ME3: variants seen among roughly 807,000 people sequenced by gnomAD.
ME3 encodes the protein NADP-dependent malic enzyme, mitochondrial.
A neutral mutation model predicts 68.9 loss-of-function variants in ME3; 48 were observed. That is an observed-to-expected ratio of 0.70 (90% CI 0.55 to 0.89). The LOEUF (loss-of-function observed/expected upper bound fraction) is 0.89, where lower values mean the gene tolerates loss of function less well. ME3 is among the 40% of genes least tolerant of loss of function. The pLI, the probability that ME3 is intolerant of heterozygous loss-of-function variation, is 0.00. For synonymous variants in ME3, 320 were observed against 318.8 expected (o/e 1.00, Z -0.04); for missense variants, 675 against 797.4 (o/e 0.85, Z 1.85).
At chr11:86,546,594 C>A (rs1000583508) in intron 4 of ME3, among the ~76,000 whole-genome samples, 1 of 151,958 alleles carries the variant, frequency 6.6e-6, no homozygotes, top group Non-Finnish European at 1.5e-5. Flanking sequence ...ATTAGAGAAA[C>A]GCAAATCAAA....
chr11:86,446,297 A>G lies in ME3; in HGVS notation c.1554+17T>C, dbSNP rs1470194978. ...AGACCCTACTGCAAGCATTTGAGGG[A>G]GCAAGGACAGTGATACCTCTGCTGT... On this transcript the variant is annotated intron_variant, in intron 13 of 14. Transcript: ENST00000543262. The G allele has an allele frequency of 6.2e-7, 1 of 1,613,070 alleles. No homozygotes were observed. The highest frequency in any genetic ancestry group is 1.3e-5 in the African/African-American group (1 of 74,908).
intron 2 of ME3, among the ~76,000 whole-genome samples, chr11:86,579,461 G>T (rs1422373654): frequency 6.6e-6 from 1 of 152,170 alleles, no homozygotes; most frequent in Admixed American, 6.6e-5. Context: ...AGTGTCCTCA[G>T]TGGGGGACTG....
At chr11:86,603,472 G>A (rs534242081) in intron 2 of ME3, among the ~76,000 whole-genome samples, 1 of 152,320 alleles carries the variant, frequency 6.6e-6, no homozygotes, top group South Asian at 2.1e-4. Flanking sequence ...AGGATGTGGA[G>A]AAATAGGAAC....
chr11:86,650,106 A>G (rs1433768340), intron 2 of ME3, among the ~76,000 whole-genome samples: 1 of 152,232 alleles, frequency 6.6e-6, no homozygotes, highest in Non-Finnish European at 1.5e-5. Flanking sequence ...GTACCAAAAC[A>G]GATATATAGA....
At chr11:86,498,226 C>G (rs1952491837) in intron 5 of ME3, 102 bp from the exon 6 acceptor site, 1 of 1,372,438 alleles carries the variant, frequency 7.3e-7, no homozygotes, top group African/African-American at 1.5e-5. Flanking sequence ...TGGATGCCCA[C>G]TGACTTTGCC....
At chr11:86,530,996 A>G (rs528576603) in intron 4 of ME3, among the ~76,000 whole-genome samples, 1,969 of 152,252 alleles carry the variant, frequency 0.013, 39 homozygotes, top group African/African-American at 0.044. Flanking sequence ...AAATTGACAA[A>G]TGGGATCTAA....
At chr11:86,539,554 C>G (rs1405625574) in intron 4 of ME3, among the ~76,000 whole-genome samples, 2 of 152,056 alleles carry the variant, frequency 1.3e-5, no homozygotes, top group African/African-American at 2.4e-5. Flanking sequence ...GGTGCTTAAC[C>G]AATGCTTGTT....
At position 86,442,850 on chromosome 11, in the gene ME3, G is replaced by A. The variant is rs202241791; in HGVS notation, c.1624C>T (p.Arg542Ter). ...ATGGCAATTCTCAAAGACACGTCTC[G>A]GATGGTGCTGAGTGGTGGGTAGAGT... Residue 542 changes from arginine to a stop codon, truncating the protein, a stop_gained, in exon 14 of 15, where the codon CGA becomes TGA. Coordinates refer to ENST00000543262, the Ensembl canonical transcript of ME3. LOFTEE classifies it high-confidence loss of function. The A allele has an allele frequency of 5.0e-6, 8 of 1,613,248 alleles. No homozygotes were observed. Among genetic ancestry groups the A allele is most frequent in the South Asian group, 1.1e-5 (1 of 90,994 alleles).
chr11:86,641,933 T>G (rs755527256), intron 2 of ME3, among the ~76,000 whole-genome samples: 1 of 152,090 alleles, frequency 6.6e-6, no homozygotes, highest in Non-Finnish European at 1.5e-5. Context: ...TGATAGTGAG[T>G]CAAACTAGCC....
At chr11:86,537,032 A>C (rs945233368) in intron 4 of ME3, among the ~76,000 whole-genome samples, 3 of 151,164 alleles carry the variant, frequency 2.0e-5, no homozygotes, top group African/African-American at 4.9e-5. Flanking sequence ...AAACTATCGG[A>C]AGAACAAAAA....
intron 2 of ME3, among the ~76,000 whole-genome samples, chr11:86,601,571 G>C (rs1319574048): frequency 6.6e-6 from 1 of 152,036 alleles, no homozygotes; most frequent in South Asian, 2.1e-4. Flanking sequence ...CCAATCAATA[G>C]AAAAAGAGAG....
chr11:86,597,669 AG>A (rs763960869), intron 2 of ME3, among the ~76,000 whole-genome samples: 78 of 152,292 alleles, frequency 5.1e-4, no homozygotes, highest in Middle Eastern at 3.4e-3. Flanking sequence ...ATTGGCAAAA[AG>A]AGTCAAATTC....
intron 4 of ME3, among the ~76,000 whole-genome samples, chr11:86,527,588 G>A (rs956077918): frequency 3.9e-5 from 6 of 152,320 alleles, no homozygotes; most frequent in African/African-American, 1.4e-4. Flanking sequence ...AGGAAAAAAT[G>A]TTGAGGGCAG....
intron 2 of ME3, among the ~76,000 whole-genome samples, chr11:86,597,614 C>A (rs1168024911): frequency 2.0e-5 from 3 of 152,184 alleles, no homozygotes; most frequent in Non-Finnish European, 2.9e-5. Flanking sequence ...CCTGTTAATA[C>A]CTACGTGGGA....
chr11:86,574,729 A>G (rs2139572461), intron 2 of ME3, among the ~76,000 whole-genome samples: 1 of 152,316 alleles, frequency 6.6e-6, no homozygotes, highest in Non-Finnish European at 1.5e-5. Context: ...TAGGCTTCCC[A>G]TGTGGAGGCT....
chr11:86,440,425 TC>T (rs1407455936), downstream of ME3, among the ~76,000 whole-genome samples: 1 of 152,162 alleles, frequency 6.6e-6, no homozygotes, highest in Middle Eastern at 3.2e-3. Context: ...CTCAACTACT[TC>T]AGAGAGTGAA....
chr11:86,523,168 C>G (rs1954452406), intron 4 of ME3, among the ~76,000 whole-genome samples: 1 of 152,062 alleles, frequency 6.6e-6, no homozygotes, highest in African/African-American at 2.4e-5. Context: ...CCTTAGTTGC[C>G]ATATGTAAAA....
intron 6 of ME3, chr11:86,489,016 A>C (rs778882333): frequency 5.3e-5 from 8 of 152,184 alleles, no homozygotes; most frequent in Non-Finnish European, 8.8e-5. Context: ...GGAAAGGTTG[A>C]GGGCTGGAGG....
intron 2 of ME3, among the ~76,000 whole-genome samples, chr11:86,621,326 TG>T (rs1454440673): frequency 6.6e-6 from 1 of 152,190 alleles, no homozygotes; most frequent in Non-Finnish European, 1.5e-5. Flanking sequence ...ATAGAATTCA[TG>T]GGATTTAAGA....
Sources: allele counts gnomAD v4.1 joint callset (sites outside exome capture counted in the v4.1 genomes callset), GRCh38; gene constraint gnomAD v4.1.1; transcripts MANE v1.5; gene names NCBI Gene and HGNC (gene_info 2026-07-23, HGNC 2026-07-21).